AOPEP: variants seen among roughly 807,000 people sequenced by gnomAD.
AOPEP encodes aminopeptidase O.
A neutral mutation model predicts 98.1 loss-of-function variants in AOPEP; 77 were observed. The ratio of observed to expected loss-of-function variants is 0.78; its 90% CI spans 0.65 to 0.95. AOPEP has a LOEUF of 0.95. Among genes scored for constraint, AOPEP ranks in the 40% least tolerant of loss-of-function variants. The pLI, the probability that AOPEP is intolerant of heterozygous loss-of-function variation, is 0.00. For missense variants in AOPEP, 1,024 were observed against 1,024.7 expected (o/e 1.00, Z 0.01); for synonymous variants, 346 against 365.3 (o/e 0.95, Z 0.60).
rs149280303 is a variant in AOPEP at position 94,957,474 on chromosome 9, C to T, written c.1872+1459C>T. Among the ~76,000 whole-genome samples the T allele has an allele frequency of 3.3e-3, 505 of 152,336 alleles. 4 individuals are homozygous for T. Among genetic ancestry groups the T allele is most frequent in the African/African-American group, 0.011 (477 of 41,580 alleles). The stretch of plus-strand genomic sequence containing the variant: ...CTGCCCACCTTGGCCTCCTAAAGTC[C>T]TGGGATTACAGGTGTGAGCCACCAC... On this transcript the variant is annotated intron_variant, in intron 9 of 16. Transcript: ENST00000375315.
At chr9:94,833,283 A>G (rs376425969) in intron 5 of AOPEP, among the ~76,000 whole-genome samples, 56 of 115,460 alleles carry the variant, frequency 4.9e-4, no homozygotes, top group African/African-American at 1.9e-3. Flanking sequence ...CGTTTTCCAC[A>G]CTGGAGTGCA....
intron 14 of AOPEP, among the ~76,000 whole-genome samples, chr9:95,079,256 T>C (rs1660501247): frequency 6.6e-6 from 1 of 152,232 alleles, no homozygotes; most frequent in African/African-American, 2.4e-5. Context: ...TAAACCTATT[T>C]AGAGTAGATT....
chr9:94,839,139 G>T (rs2041989139), intron 5 of AOPEP, among the ~76,000 whole-genome samples: 1 of 148,012 alleles, frequency 6.8e-6, no homozygotes, highest in African/African-American at 2.5e-5. Context: ...AGGCTGGAGT[G>T]CAGTGGCGCG....
chr9:95,056,546 C>G (rs932099433), intron 13 of AOPEP: 2 of 152,182 alleles, frequency 1.3e-5, no homozygotes, highest in Non-Finnish European at 2.9e-5. Context: ...AGTGATGCCC[C>G]CGTGACAGCA....
At position 95,082,620 on chromosome 9, in the gene AOPEP, G is replaced by T. The variant is rs1484962691; in HGVS notation, c.2365G>T (p.Ala789Ser). The change falls in exon 16 of 17, where the codon GCC becomes TCC. Residue 789 changes from alanine (A) to serine (S), a missense_variant. Around this residue, in one of 3 missense-constraint regions of AOPEP, gnomAD observed 566 missense variants for 551.7 expected, o/e 1.03. Transcript: ENST00000375315. ...CGGGGAGCTGATGGTGAGTGAGGAC[G>T]CCAGACAGCAGCAGCTCGCCCGTAG... The part of the protein sequence containing the change: ...LYGELMVSED[A>S]RQQQLARRCF... The T allele has an allele frequency of 6.2e-7, 1 of 1,614,224 alleles. No individual in the cohort carries two copies. The highest frequency in any genetic ancestry group is 1.1e-5 in the South Asian group (1 of 91,084).
At position 94,800,755 on chromosome 9, in the gene AOPEP, A is replaced by G. The variant is rs1848045182; in HGVS notation, c.1119-2A>G. 4 of 1,613,676 alleles carry G rather than the reference A, an allele frequency of 2.5e-6. No individual in the cohort carries two copies. Among genetic ancestry groups the G allele is most frequent in the Non-Finnish European group, 3.4e-6 (4 of 1,179,714 alleles). On this transcript the variant is annotated splice_acceptor_variant, in intron 4 of 16. Coordinates refer to ENST00000375315, the MANE Select transcript of AOPEP (RefSeq NM_001193329.3). LOFTEE classifies it high-confidence loss of function. ...TTACCATTTATTTTGTGTTATTCCCAGGCATGTTGGTGTTTGCAGTCACAT... is the reference window on the plus strand; with the variant it reads ...TTACCATTTATTTTGTGTTATTCCCGGGCATGTTGGTGTTTGCAGTCACAT...
chr9:94,993,946 C>T (rs1056971958), intron 11 of AOPEP, among the ~76,000 whole-genome samples: 2 of 152,176 alleles, frequency 1.3e-5, no homozygotes, highest in Admixed American at 6.5e-5. Flanking sequence ...TTCCCTGGGA[C>T]GCAGAAGCTG....
intron 5 of AOPEP, among the ~76,000 whole-genome samples, chr9:94,880,001 A>G (rs1309272036): frequency 6.6e-6 from 1 of 152,228 alleles, no homozygotes; most frequent in Admixed American, 6.5e-5. Context: ...TTTTTTAGAT[A>G]CCAACTTTGT....
chr9:94,784,209 G>A (rs1843900671), intron 3 of AOPEP, among the ~76,000 whole-genome samples: 1 of 152,190 alleles, frequency 6.6e-6, no homozygotes, highest in Admixed American at 6.5e-5. Flanking sequence ...GGTTATAGCT[G>A]TGCTTTTAAT....
intron 3 of AOPEP, among the ~76,000 whole-genome samples, chr9:94,775,887 G>A (rs1194935518): frequency 6.6e-6 from 1 of 152,108 alleles, no homozygotes; most frequent in Non-Finnish European, 1.5e-5. Flanking sequence ...TCGGGAGGCT[G>A]AGGCGGGAGA....
At chr9:94,800,651 T>C (rs1848013878) in intron 4 of AOPEP, 106 bp from the exon 5 acceptor site, 2 of 1,160,820 alleles carry the variant, frequency 1.7e-6, no homozygotes, top group African/African-American at 3.0e-5. Flanking sequence ...CTTGTGAGTC[T>C]GTCTGAACCT....
chr9:94,765,438 A>G (rs938263453), intron 2 of AOPEP, among the ~76,000 whole-genome samples: 59 of 134,148 alleles, frequency 4.4e-4, no homozygotes, highest in African/African-American at 1.6e-3. Flanking sequence ...CTTCTCTACA[A>G]AAATAATAAT....
At chr9:95,122,057 A>G in the AOPEP span, among the ~76,000 whole-genome samples, 1 of 151,842 alleles carries the variant, frequency 6.6e-6, no homozygotes, top group Non-Finnish European at 1.5e-5. Flanking sequence ...ACAGGGTTTC[A>G]CCGTGTTAGC....
chr9:94,794,782 C>T (rs886671607), intron 4 of AOPEP, among the ~76,000 whole-genome samples: 1 of 137,616 alleles, frequency 7.3e-6, no homozygotes, highest in African/African-American at 3.2e-5. Context: ...GCTCTCTTTC[C>T]TGCAGTACAA....
chr9:94,841,707 G>A (rs1236538255), intron 5 of AOPEP, among the ~76,000 whole-genome samples: 1 of 151,900 alleles, frequency 6.6e-6, no homozygotes, highest in Non-Finnish European at 1.5e-5. Flanking sequence ...TAAGAGTTTT[G>A]TCTCAGGATA....
At chr9:94,771,337 C>T (rs1324801057) in intron 2 of AOPEP, among the ~76,000 whole-genome samples, 2 of 152,288 alleles carry the variant, frequency 1.3e-5, no homozygotes, top group East Asian at 1.9e-4. Context: ...CCCATTTCAC[C>T]CGTGACTCAG....
intron 4 of AOPEP, 107 bp from the exon 5 acceptor site, chr9:94,800,650 C>T: frequency 1.7e-6 from 2 of 1,148,178 alleles, no homozygotes; most frequent in Non-Finnish European, 2.6e-6. Context: ...GCTTGTGAGT[C>T]TGTCTGAACC....
chr9:94,778,632 A>G (rs542098936), intron 3 of AOPEP, among the ~76,000 whole-genome samples: 3 of 152,322 alleles, frequency 2.0e-5, no homozygotes, highest in South Asian at 2.1e-4. Flanking sequence ...AAATGAGTGC[A>G]AGGGTACAGC....
intron 11 of AOPEP, among the ~76,000 whole-genome samples, chr9:94,999,655 C>G (rs2061439393): frequency 6.6e-6 from 1 of 152,180 alleles, no homozygotes; most frequent in Non-Finnish European, 1.5e-5. Context: ...AGGACTTTCA[C>G]AGAGTGCCCA....
Sources: allele counts gnomAD v4.1 joint callset (sites outside exome capture counted in the v4.1 genomes callset), GRCh38; gene constraint gnomAD v4.1.1; regional missense constraint gnomAD v4.1.1; transcripts MANE v1.5; gene names NCBI Gene and HGNC (gene_info 2026-07-23, HGNC 2026-07-21).